DCC: variants seen among roughly 807,000 people sequenced by gnomAD.
The protein encoded by DCC is netrin receptor DCC.
Under a neutral mutation model 172.5 loss-of-function variants are expected in DCC, and 58 were observed. That is an observed-to-expected ratio of 0.34 (90% CI 0.27 to 0.42). DCC has a LOEUF of 0.42. Ranked by LOEUF, DCC falls within the 10% of genes least tolerant of loss-of-function variation. The probability of loss-of-function intolerance (pLI) is 1.00; values close to 1 mark genes in which losing one functional copy is unlikely to be tolerated. For synonymous variants in DCC, 709 were observed against 644.5 expected, an observed-to-expected ratio of 1.10 and a Z score of -1.52; for missense variants, 1,740 against 1,791.0, an observed-to-expected ratio of 0.97 and a Z score of 0.51.
At chr18:52,861,186 T>A (rs550485392) in intron 2 of DCC, among the ~76,000 whole-genome samples, 3 of 152,270 alleles carry the variant, frequency 2.0e-5, no homozygotes, top group Admixed American at 2.0e-4. Flanking sequence ...GGTTTCAAAA[T>A]ATCTTGAGGT....
intron 7 of DCC, among the ~76,000 whole-genome samples, chr18:53,105,790 T>C (rs1431980501): frequency 6.6e-6 from 1 of 151,766 alleles, no homozygotes; most frequent in Non-Finnish European, 1.5e-5. Flanking sequence ...GTTATTTTCT[T>C]ATCAGTCTCT....
chr18:53,455,665 C>T (rs1248375555), intron 23 of DCC, among the ~76,000 whole-genome samples: 1 of 152,194 alleles, frequency 6.6e-6, no homozygotes, highest in Non-Finnish European at 1.5e-5. Flanking sequence ...AATATTAACT[C>T]TCAAGCTAAA....
intron 4 of DCC, among the ~76,000 whole-genome samples, chr18:52,925,026 T>C (rs2040179909): frequency 6.6e-6 from 1 of 151,976 alleles, no homozygotes; most frequent in Admixed American, 6.6e-5. Context: ...TTCATTTATT[T>C]GATCGCTACA....
At chr18:52,574,377 A>G (rs2033364674) in intron 1 of DCC, among the ~76,000 whole-genome samples, 1 of 152,230 alleles carries the variant, frequency 6.6e-6, no homozygotes, top group Non-Finnish European at 1.5e-5. Context: ...AAGAGAATTC[A>G]TAACAGCTGT....
intron 1 of DCC, among the ~76,000 whole-genome samples, chr18:52,341,439 C>G (rs1352820752): frequency 2.0e-5 from 3 of 152,238 alleles, no homozygotes; most frequent in Non-Finnish European, 4.4e-5. Flanking sequence ...GATCCTGGTA[C>G]TGAAGGAGGC....
intron 5 of DCC, among the ~76,000 whole-genome samples, chr18:53,025,104 G>C (rs893568593): frequency 6.6e-6 from 1 of 152,102 alleles, no homozygotes; most frequent in African/African-American, 2.4e-5. Flanking sequence ...TATGACCCAT[G>C]AGCTTGCCCT....
intron 12 of DCC, among the ~76,000 whole-genome samples, chr18:53,290,405 C>T (rs559181477): frequency 2.0e-5 from 3 of 152,184 alleles, no homozygotes; most frequent in East Asian, 1.9e-4. Flanking sequence ...TATTTAGTCT[C>T]ACTTCATTTT....
At chr18:52,828,405 C>T (rs2038551559) in intron 2 of DCC, among the ~76,000 whole-genome samples, 1 of 151,710 alleles carries the variant, frequency 6.6e-6, no homozygotes, top group African/African-American at 2.4e-5. Context: ...ACTTACAACC[C>T]CGTCTTATAA....
At chr18:52,806,781 TATA>T (rs1455070374) in intron 2 of DCC, among the ~76,000 whole-genome samples, 2 of 152,096 alleles carry the variant, frequency 1.3e-5, no homozygotes, top group Non-Finnish European at 2.9e-5. Context: ...AATATTAGAT[TATA>T]ATATGAAGTT....
chr18:52,591,029 A>G (rs2033788083), intron 1 of DCC, among the ~76,000 whole-genome samples: 1 of 152,208 alleles, frequency 6.6e-6, no homozygotes, highest in African/African-American at 2.4e-5. Flanking sequence ...ATTATCAAAA[A>G]CATTGAAGTT....
intron 16 of DCC, among the ~76,000 whole-genome samples, chr18:53,389,855 C>G (rs189864195): frequency 9.9e-5 from 15 of 152,246 alleles, no homozygotes; most frequent in Admixed American, 8.5e-4. Flanking sequence ...CACCCTATTT[C>G]AAAACGTTAT....
chr18:53,312,626 C>A (rs1301993986), intron 13 of DCC, among the ~76,000 whole-genome samples: 15 of 150,112 alleles, frequency 1.0e-4, no homozygotes, highest in Non-Finnish European at 1.5e-4. Context: ...GTCAGGAGAT[C>A]GAGAAACCCC....
rs576979781 is a variant in DCC, at chr18:52,923,401, G to A, written c.698-306G>A. 3.3e-5 allele frequency among the ~76,000 whole-genome samples: 5 copies of A among 152,158 alleles called. No individual in the cohort carries two copies. The East Asian group carries it at 9.7e-4, about 29-fold the overall frequency. On this transcript the variant is annotated intron_variant, in intron 3 of 28. Transcript: ENST00000442544. The stretch of plus-strand genomic sequence containing the variant: ...GTTTTGGACAATAACATTTAGAAAA[G>A]CTATTGACATTTTTCTGTTCTCTAA...
chr18:52,603,305 C>T (rs2034055910), intron 1 of DCC, among the ~76,000 whole-genome samples: 1 of 151,952 alleles, frequency 6.6e-6, no homozygotes, highest in African/African-American at 2.4e-5. Context: ...GAGACCTTGG[C>T]CCATTCTATT....
chr18:53,087,513 G>C (rs940054710), intron 7 of DCC, among the ~76,000 whole-genome samples: 2 of 151,970 alleles, frequency 1.3e-5, no homozygotes, highest in Non-Finnish European at 2.9e-5. Context: ...CCCTTTGTCA[G>C]ATGAGTAGGT....
intron 12 of DCC, among the ~76,000 whole-genome samples, chr18:53,278,441 C>G (rs2056831684): frequency 6.6e-6 from 1 of 152,032 alleles, no homozygotes; most frequent in African/African-American, 2.4e-5. Context: ...TATGCATTAT[C>G]AAGAATTATT....
intron 1 of DCC, among the ~76,000 whole-genome samples, chr18:52,364,866 A>C (rs896954453): frequency 6.6e-6 from 1 of 152,192 alleles, no homozygotes; most frequent in Non-Finnish European, 1.5e-5. Flanking sequence ...ATGAGACTGA[A>C]TGAGTTTCTT....
intron 5 of DCC, among the ~76,000 whole-genome samples, chr18:53,019,657 C>A (rs1274432138): frequency 2.0e-5 from 3 of 151,868 alleles, no homozygotes; most frequent in African/African-American, 7.3e-5. Context: ...TGATATATTC[C>A]AGTTTATCTG....
intron 2 of DCC, among the ~76,000 whole-genome samples, chr18:52,787,307 G>A (rs1201698524): frequency 1.3e-5 from 2 of 152,044 alleles, no homozygotes; most frequent in African/African-American, 2.4e-5. Context: ...ACCTGCATTT[G>A]CAATCACCTG....
Sources: allele counts gnomAD v4.1 joint callset (sites outside exome capture counted in the v4.1 genomes callset), GRCh38; gene constraint gnomAD v4.1.1; transcripts MANE v1.5; gene names NCBI Gene and HGNC (gene_info 2026-07-23, HGNC 2026-07-21).